Variants in DRC11 observed in about 807,000 individuals in gnomAD.
DRC11 encodes the protein dynein regulatory complex subunit 11.
the DRC11 span, among the ~76,000 whole-genome samples, chr2:236,414,245 T>C: frequency 2.0e-3 from 312 of 152,320 alleles, 1 homozygote; most frequent in African/African-American, 7.3e-3. Flanking sequence ...GCCCAATTTA[T>C]ACATTTTCCC....
chr2:236,489,618 G>T, the DRC11 span, among the ~76,000 whole-genome samples: 1 of 152,124 alleles, frequency 6.6e-6, no homozygotes, highest in Non-Finnish European at 1.5e-5. Flanking sequence ...ACAGATCACT[G>T]GAGTCAGAAA....
the DRC11 span, among the ~76,000 whole-genome samples, chr2:236,316,809 G>T: frequency 6.6e-6 from 1 of 152,206 alleles, no homozygotes; most frequent in African/African-American, 2.4e-5. This position sits in a 1 kb window ranked among gnomAD's most constrained non-coding sequence, Gnocchi z 6.8. Context: ...TGCATGCATC[G>T]CTGGTGGCAG....
chr2:236,344,773 G>A, the DRC11 span: 5 of 656,286 alleles, frequency 7.6e-6, no homozygotes, highest in Admixed American at 5.7e-5. Context: ...CCTCTGGGGT[G>A]TGCAGAGCCC....
the DRC11 span, among the ~76,000 whole-genome samples, chr2:236,309,514 C>T: frequency 2.6e-5 from 4 of 152,014 alleles, no homozygotes; most frequent in African/African-American, 9.7e-5. The surrounding 1 kb of genome is among the most constrained non-coding windows in gnomAD (Gnocchi z 5.7). Flanking sequence ...GGTGTGGAGG[C>T]CCCCCAGGCA....
the DRC11 span, among the ~76,000 whole-genome samples, chr2:236,443,960 A>G: frequency 6.8e-6 from 1 of 147,202 alleles, no homozygotes. This position sits in a 1 kb window ranked among gnomAD's most constrained non-coding sequence, Gnocchi z 4.4. Flanking sequence ...TTGTTTTGAC[A>G]TATTTGTTGG....
chr2:236,461,854 C>A, the DRC11 span, among the ~76,000 whole-genome samples: 4 of 152,080 alleles, frequency 2.6e-5, no homozygotes, highest in Non-Finnish European at 4.4e-5. This position sits in a 1 kb window ranked among gnomAD's most constrained non-coding sequence, Gnocchi z 4.0. Context: ...CCTGGAGGAG[C>A]AAAGTGGAGG....
chr2:236,357,753 T>C, the DRC11 span, among the ~76,000 whole-genome samples: 1 of 126,670 alleles, frequency 7.9e-6, no homozygotes, highest in Non-Finnish European at 1.5e-5. Context: ...TGTAAATATA[T>C]AAATATACAT....
chr2:236,316,847 C>T, the DRC11 span, among the ~76,000 whole-genome samples: 1 of 152,220 alleles, frequency 6.6e-6, no homozygotes, highest in Non-Finnish European at 1.5e-5. This position sits in a 1 kb window ranked among gnomAD's most constrained non-coding sequence, Gnocchi z 6.8. Flanking sequence ...ACGCAGTAAA[C>T]TTGGTGGCAC....
At chr2:236,339,630 A>G in the DRC11 span, among the ~76,000 whole-genome samples, 1 of 152,190 alleles carries the variant, frequency 6.6e-6, no homozygotes, top group Non-Finnish European at 1.5e-5. Context: ...GCAGGCAGCA[A>G]TTCAACAGTC....
the DRC11 span, among the ~76,000 whole-genome samples, chr2:236,369,803 C>T: frequency 5.9e-5 from 9 of 152,178 alleles, no homozygotes; most frequent in Non-Finnish European, 7.3e-5. This position sits in a 1 kb window ranked among gnomAD's most constrained non-coding sequence, Gnocchi z 4.5. Context: ...TCCGTGCATT[C>T]GGAGCTCGGA....
chr2:236,471,125 C>G, the DRC11 span, among the ~76,000 whole-genome samples: 2 of 152,122 alleles, frequency 1.3e-5, no homozygotes, highest in African/African-American at 4.8e-5. The surrounding 1 kb of genome is among the most constrained non-coding windows in gnomAD (Gnocchi z 4.6). Context: ...CTATCTTCAT[C>G]TTATATATGA....
At chr2:236,395,194 A>G in the DRC11 span, among the ~76,000 whole-genome samples, 1 of 152,098 alleles carries the variant, frequency 6.6e-6, no homozygotes, top group Non-Finnish European at 1.5e-5. Context: ...CCAAAGTTCA[A>G]GGGGTGTCTT....
the DRC11 span, chr2:236,497,521 A>G: frequency 4.7e-6 from 7 of 1,480,864 alleles, no homozygotes; most frequent in South Asian, 6.6e-5. The surrounding 1 kb of genome is among the most constrained non-coding windows in gnomAD (Gnocchi z 5.1). Context: ...ATGATACAGT[A>G]AATAAAAATC....
chr2:236,490,916 G>GTA, the DRC11 span, among the ~76,000 whole-genome samples: 6 of 143,350 alleles, frequency 4.2e-5, no homozygotes, highest in Non-Finnish European at 8.9e-5. The surrounding 1 kb of genome is among the most constrained non-coding windows in gnomAD (Gnocchi z 5.5). Context: ...GTGTGTGTGT[G>GTA]TATATATATG....
the DRC11 span, chr2:236,331,319 T>C: frequency 1.5e-6 from 2 of 1,354,186 alleles, no homozygotes; most frequent in African/African-American, 1.4e-5. The surrounding 1 kb of genome is among the most constrained non-coding windows in gnomAD (Gnocchi z 4.8). Context: ...GCGTGAGGAG[T>C]GTCTGCTGCT....
the DRC11 span, among the ~76,000 whole-genome samples, chr2:236,340,475 ATGG>A: frequency 6.6e-6 from 1 of 152,108 alleles, no homozygotes; most frequent in Non-Finnish European, 1.5e-5. Flanking sequence ...TAGCAAGCCG[ATGG>A]TGGTGGGTTG....
the DRC11 span, among the ~76,000 whole-genome samples, chr2:236,340,324 A>G: frequency 6.6e-6 from 1 of 152,184 alleles, no homozygotes; most frequent in Admixed American, 6.5e-5. Context: ...AAGGTTTGCC[A>G]TGTTGGCCAT....
At chr2:236,392,159 G>T in the DRC11 span, 1 of 1,498,370 alleles carries the variant, frequency 6.7e-7, no homozygotes. This position sits in a 1 kb window ranked among gnomAD's most constrained non-coding sequence, Gnocchi z 5.1. Flanking sequence ...TAAATTATGG[G>T]GTAGGTCATT....
At chr2:236,500,442 A>G in the DRC11 span, among the ~76,000 whole-genome samples, 1 of 151,982 alleles carries the variant, frequency 6.6e-6, no homozygotes, top group Non-Finnish European at 1.5e-5. This position sits in a 1 kb window ranked among gnomAD's most constrained non-coding sequence, Gnocchi z 6.3. Context: ...AAACAGACTG[A>G]GCGTAAAAAC....
Sources: allele counts gnomAD v4.1 joint callset (sites outside exome capture counted in the v4.1 genomes callset), GRCh38; gene constraint gnomAD v4.1.1; non-coding constraint Gnocchi (gnomAD v3.1); transcripts MANE v1.5; gene names NCBI Gene and HGNC (gene_info 2026-07-23, HGNC 2026-07-21).